Variants in THSD7A observed in about 807,000 individuals in gnomAD.
The protein encoded by THSD7A is thrombospondin type 1 domain containing 7A.
In THSD7A, 96 loss-of-function variants were observed where a neutral mutation model predicts 231.3. That is an observed-to-expected ratio of 0.41 (90% CI 0.35 to 0.49). THSD7A has a LOEUF of 0.49. THSD7A is among the 20% of genes least tolerant of loss of function. THSD7A has a pLI of 0.05. For missense variants in THSD7A, 2,290 were observed against 2,070.2 expected (o/e 1.11, Z -2.06); for synonymous variants, 940 against 743.3 (o/e 1.26, Z -4.30).
At chr7:11,506,900 CA>C (rs1787568070) in intron 6 of THSD7A, among the ~76,000 whole-genome samples, 1 of 152,066 alleles carries the variant, frequency 6.6e-6, no homozygotes, top group Non-Finnish European at 1.5e-5. Flanking sequence ...CAATACTTTT[CA>C]CAATTTTGAT....
rs193038800 is a variant in THSD7A at position 11,715,778 on chromosome 7, T to C, written c.191-78817A>G. Among the ~76,000 whole-genome samples, 157 of 151,558 alleles carry C rather than the reference T, an allele frequency of 1.0e-3. 2 individuals carry two copies. Among genetic ancestry groups the C allele is most frequent in the African/African-American group, 3.5e-3 (146 of 41,452 alleles). On this transcript the variant is annotated intron_variant, in intron 1 of 27. Coordinates refer to ENST00000423059, the MANE Select transcript of THSD7A (RefSeq NM_015204.3). ...AATAAAAAACCACAAGGGTCTATTT[T>C]CCCTCCTTAATCCTCATCCCTGAAC...
chr7:11,722,827 A>T (rs567327602), intron 1 of THSD7A, among the ~76,000 whole-genome samples: 89 of 152,014 alleles, frequency 5.9e-4, no homozygotes, highest in Non-Finnish European at 1.1e-3. Flanking sequence ...TCAGGAAACA[A>T]CACGTGCTGG....
At chr7:11,441,040 C>T (rs1338870973) in intron 13 of THSD7A, among the ~76,000 whole-genome samples, 1 of 152,042 alleles carries the variant, frequency 6.6e-6, no homozygotes, top group Non-Finnish European at 1.5e-5. Context: ...ATAGAAACCA[C>T]TGCAACGCCA....
chr7:11,588,838 T>C lies in THSD7A; in HGVS notation c.1453+1622A>G, dbSNP rs1171049535. On this transcript the variant is annotated intron_variant, in intron 4 of 27. Coordinates refer to ENST00000423059, the MANE Select transcript of THSD7A (RefSeq NM_015204.3). Reference sequence around the variant, plus strand: ...ATTAAAGTGGCCAAGAAAATATTAATGTCCTAACATTACATGTTTTATGTT... The same window carrying C: ...ATTAAAGTGGCCAAGAAAATATTAACGTCCTAACATTACATGTTTTATGTT... Among the ~76,000 whole-genome samples, 6 of 152,348 alleles carry C rather than the reference T, an allele frequency of 3.9e-5. 1 individual carries two copies. Among genetic ancestry groups the C allele is most frequent in the African/African-American group, 1.2e-4 (5 of 41,588 alleles).
At chr7:11,690,970 G>T (rs1025857756) in intron 1 of THSD7A, among the ~76,000 whole-genome samples, 1 of 151,480 alleles carries the variant, frequency 6.6e-6, no homozygotes. Flanking sequence ...TAAAGCAATT[G>T]CTCACTGTTT....
chr7:11,685,958 G>T (rs1035063781), intron 1 of THSD7A, among the ~76,000 whole-genome samples: 2 of 151,832 alleles, frequency 1.3e-5, no homozygotes, highest in African/African-American at 2.4e-5. Flanking sequence ...CAAATACATG[G>T]AACCAAACTT....
chr7:11,697,486 A>C (rs1780438480), intron 1 of THSD7A, among the ~76,000 whole-genome samples: 1 of 151,308 alleles, frequency 6.6e-6, no homozygotes, highest in Non-Finnish European at 1.5e-5. Flanking sequence ...ATTTTGTATG[A>C]TATTTAATAT....
intron 1 of THSD7A, among the ~76,000 whole-genome samples, chr7:11,710,390 T>C (rs1780912865): frequency 6.6e-6 from 1 of 150,986 alleles, no homozygotes; most frequent in African/African-American, 2.4e-5. Flanking sequence ...TCCCAATAAC[T>C]CTGATTTTGT....
At chr7:11,506,579 T>C (rs528798487) in intron 6 of THSD7A, among the ~76,000 whole-genome samples, 74 of 152,324 alleles carry the variant, frequency 4.9e-4, no homozygotes, top group African/African-American at 1.7e-3. Context: ...TCCATTAACA[T>C]GGAATTATTT....
At chr7:11,732,455 C>G (rs373989991) in intron 1 of THSD7A, among the ~76,000 whole-genome samples, 1 of 151,594 alleles carries the variant, frequency 6.6e-6, no homozygotes, top group East Asian at 1.9e-4. Context: ...TAGGCTTAAC[C>G]CCAAAGGGAT....
intron 1 of THSD7A, among the ~76,000 whole-genome samples, chr7:11,791,506 A>G (rs1298508825): frequency 6.6e-6 from 1 of 152,118 alleles, no homozygotes; most frequent in African/African-American, 2.4e-5. Context: ...TTAGTTGATC[A>G]TCATATTTGA....
At chr7:11,389,941 C>T (rs1782917653) in intron 23 of THSD7A, among the ~76,000 whole-genome samples, 1 of 152,126 alleles carries the variant, frequency 6.6e-6, no homozygotes, top group East Asian at 1.9e-4. Context: ...AATATGGGCC[C>T]CCACTCTCTT....
At chr7:11,716,217 A>T (rs1781132344) in intron 1 of THSD7A, among the ~76,000 whole-genome samples, 1 of 151,512 alleles carries the variant, frequency 6.6e-6, no homozygotes. Context: ...TGCACATGGC[A>T]TTCCTTCTGC....
At chr7:11,466,050 ACT>A (rs1181016489) in intron 9 of THSD7A, among the ~76,000 whole-genome samples, 1 of 151,856 alleles carries the variant, frequency 6.6e-6, no homozygotes, top group Non-Finnish European at 1.5e-5. Context: ...ATTTCAAACA[ACT>A]CTTTTAGTTC....
At chr7:11,652,693 T>C (rs1184049381) in intron 1 of THSD7A, among the ~76,000 whole-genome samples, 1 of 152,010 alleles carries the variant, frequency 6.6e-6, no homozygotes, top group Non-Finnish European at 1.5e-5. Flanking sequence ...ATAAATATAC[T>C]TTTAAAATAA....
At chr7:11,736,765 A>C (rs1298069769) in intron 1 of THSD7A, among the ~76,000 whole-genome samples, 1 of 151,964 alleles carries the variant, frequency 6.6e-6, no homozygotes, top group Non-Finnish European at 1.5e-5. Flanking sequence ...AGAAAGTGAA[A>C]AACTGACTCT....
intron 1 of THSD7A, among the ~76,000 whole-genome samples, chr7:11,798,956 C>T (rs1411958441): frequency 6.6e-6 from 1 of 151,256 alleles, no homozygotes; most frequent in South Asian, 2.1e-4. Context: ...CAGAGTCTCA[C>T]TCTGTCACCA....
chr7:11,407,168 T>C, intron 20 of THSD7A, 113 bp from the exon 21 acceptor site: 1 of 1,482,110 alleles, frequency 6.7e-7, no homozygotes. Flanking sequence ...CAGGAACAAG[T>C]AAGGCTTAGA....
At chr7:11,655,337 C>T (rs1687010283) in intron 1 of THSD7A, among the ~76,000 whole-genome samples, 2 of 151,846 alleles carry the variant, frequency 1.3e-5, no homozygotes, top group African/African-American at 2.4e-5. Context: ...GGCTGGAACA[C>T]TTCTGGTGAC....
Sources: allele counts gnomAD v4.1 joint callset (sites outside exome capture counted in the v4.1 genomes callset), GRCh38; gene constraint gnomAD v4.1.1; transcripts MANE v1.5; gene names NCBI Gene and HGNC (gene_info 2026-07-23, HGNC 2026-07-21).